The following SUMF1 variants were observed in gnomAD, a reference collection of about 807,000 sequenced individuals.
SUMF1 encodes formylglycine-generating enzyme.
A neutral mutation model predicts 47.6 loss-of-function variants in SUMF1; 48 were observed. That is an observed-to-expected ratio of 1.01 (90% CI 0.80 to 1.28). SUMF1 has a LOEUF of 1.28. Among genes scored for constraint, SUMF1 ranks in the 50% most tolerant of loss-of-function variants. SUMF1 has a pLI of 0.00. For synonymous variants in SUMF1, 230 were observed against 192.1 expected (o/e 1.20, Z -1.63); for missense variants, 571 against 485.4 (o/e 1.18, Z -1.66).
chr3:4,035,705 T>C (rs990801946), intron 9 of SUMF1, among the ~76,000 whole-genome samples: 1 of 152,226 alleles, frequency 6.6e-6, no homozygotes, highest in Non-Finnish European at 1.5e-5. Flanking sequence ...TCAATTCTGC[T>C]ACTTATTGGG....
At chr3:4,166,599 T>C (rs1217896507) in intron 8 of SUMF1, among the ~76,000 whole-genome samples, 1 of 152,160 alleles carries the variant, frequency 6.6e-6, no homozygotes, top group Non-Finnish European at 1.5e-5. Flanking sequence ...GAGTGGTTTT[T>C]AGAAGCATGA....
chr3:4,387,936 T>C (rs962632044), intron 7 of SUMF1, among the ~76,000 whole-genome samples: 6 of 152,034 alleles, frequency 3.9e-5, no homozygotes, highest in Non-Finnish European at 5.9e-5. Context: ...GGAGAACACA[T>C]TCTGTATGTC....
chr3:4,292,507 T>C (rs1697760324), intron 8 of SUMF1, among the ~76,000 whole-genome samples: 1 of 152,220 alleles, frequency 6.6e-6, no homozygotes, highest in Admixed American at 6.5e-5. Context: ...ATATTGTATT[T>C]TATTCACCTC....
At chr3:4,148,537 G>A (rs1163531959) in intron 8 of SUMF1, among the ~76,000 whole-genome samples, 1 of 152,054 alleles carries the variant, frequency 6.6e-6, no homozygotes, top group Non-Finnish European at 1.5e-5. Context: ...ACACAAAAGG[G>A]CTAGTGCAGA....
intron 8 of SUMF1, among the ~76,000 whole-genome samples, chr3:4,355,013 A>G (rs1699587141): frequency 6.6e-6 from 1 of 152,086 alleles, no homozygotes; most frequent in South Asian, 2.1e-4. Flanking sequence ...ATCCCAGACA[A>G]TCTTATCCCA....
At chr3:4,065,900 C>A (rs1267109612) in intron 9 of SUMF1, among the ~76,000 whole-genome samples, 1 of 152,134 alleles carries the variant, frequency 6.6e-6, no homozygotes, top group African/African-American at 2.4e-5. Context: ...GAGGAACCAA[C>A]CCTTGTGATA....
intron 8 of SUMF1, among the ~76,000 whole-genome samples, chr3:4,133,567 T>C (rs143119710): frequency 0.06 from 9,175 of 152,144 alleles, 591 homozygotes; most frequent in African/African-American, 0.16. Flanking sequence ...GTGGGCACAA[T>C]CTAATCAGTT....
chr3:4,444,849 A>G (rs1416257671), intron 3 of SUMF1, among the ~76,000 whole-genome samples: 1 of 152,200 alleles, frequency 6.6e-6, no homozygotes, highest in Non-Finnish European at 1.5e-5. Flanking sequence ...AGGGTCCTCG[A>G]AATACTGTTT....
intron 8 of SUMF1, chr3:4,312,818 G>A (rs1268058267): frequency 1.1e-5 from 16 of 1,493,416 alleles, no homozygotes; most frequent in South Asian, 1.4e-5. Flanking sequence ...ATTAGAATGG[G>A]TCCCAGTCAG....
At chr3:4,178,157 T>TAG (rs772853075) in intron 8 of SUMF1, among the ~76,000 whole-genome samples, 12 of 152,104 alleles carry the variant, frequency 7.9e-5, no homozygotes, top group African/African-American at 2.7e-4. Context: ...TTCCAATCAA[T>TAG]AGAAAAAGAG....
Position 4,174,253 on chromosome 3 carries a change from G to A in SUMF1, c.1015-105508C>T, listed in dbSNP as rs140020146. On this transcript the variant is annotated intron_variant and NMD_transcript_variant, in intron 8 of 12. Transcript: ENST00000448413. ...CACCTGTAGTCCCAGCTACTCGGGA[G>A]GCTGAGGCAGAAGAATGGCATGACC... Among the ~76,000 whole-genome samples the A allele has an allele frequency of 2.8e-3, 432 of 151,710 alleles. 3 individuals carry two copies. The highest frequency in any genetic ancestry group is 9.7e-3 in the African/African-American group (400 of 41,348).
At chr3:4,137,388 C>T (rs1036907142) in intron 8 of SUMF1, among the ~76,000 whole-genome samples, 10 of 151,496 alleles carry the variant, frequency 6.6e-5, no homozygotes, top group Admixed American at 5.9e-4. Flanking sequence ...AACCAAACAC[C>T]GCATGTTCTC....
At chr3:4,283,428 GAAATTTCATT>G (rs1454911899) in intron 8 of SUMF1, among the ~76,000 whole-genome samples, 2 of 152,182 alleles carry the variant, frequency 1.3e-5, no homozygotes, top group East Asian at 3.9e-4. Flanking sequence ...CAACCCATGT[GAAATTTCATT>G]AAATTTCATT....
intron 8 of SUMF1, among the ~76,000 whole-genome samples, chr3:4,245,499 G>C: frequency 6.6e-6 from 1 of 152,118 alleles, no homozygotes; most frequent in East Asian, 1.9e-4. Context: ...AGGCCCCTCA[G>C]CTGCAGGTCT....
At chr3:4,273,639 T>A (rs1009717423) in intron 8 of SUMF1, among the ~76,000 whole-genome samples, 6 of 145,246 alleles carry the variant, frequency 4.1e-5, no homozygotes, top group African/African-American at 1.5e-4. Flanking sequence ...TTAAAATGAG[T>A]AAATTTTACA....
At chr3:4,445,532 T>C (rs1281189620) in intron 3 of SUMF1, among the ~76,000 whole-genome samples, 1 of 148,340 alleles carries the variant, frequency 6.7e-6, no homozygotes, top group African/African-American at 2.5e-5. Flanking sequence ...AGAGATGGGG[T>C]CTCTCTCTCT....
At chr3:4,203,655 C>T (rs187959565) in intron 8 of SUMF1, among the ~76,000 whole-genome samples, 1 of 151,844 alleles carries the variant, frequency 6.6e-6, no homozygotes, top group Non-Finnish European at 1.5e-5. Context: ...GTTTTGTGGT[C>T]TTCTCTTCCT....
chr3:4,038,932 A>C (rs1264385260), intron 9 of SUMF1, among the ~76,000 whole-genome samples: 1 of 152,200 alleles, frequency 6.6e-6, no homozygotes, highest in African/African-American at 2.4e-5. Flanking sequence ...AAAGAGCATA[A>C]ACAGATTAAT....
chr3:4,176,789 G>T (rs1389244730), intron 8 of SUMF1, among the ~76,000 whole-genome samples: 4 of 152,090 alleles, frequency 2.6e-5, no homozygotes, highest in African/African-American at 9.7e-5. Flanking sequence ...GTATTCAGGA[G>T]ACCCATCTCA....
Sources: gnomAD v4.1 joint callset for allele counts (sites outside exome capture counted in the v4.1 genomes callset) on GRCh38, gnomAD v4.1.1 for gene constraint, MANE v1.5 for transcripts, NCBI Gene and HGNC (gene_info 2026-07-23, HGNC 2026-07-21) for gene names.